TUBB1: variants seen among roughly 807,000 people sequenced by gnomAD.
The protein encoded by TUBB1 is tubulin beta 1 class VI.
TUBB1 carries 28 observed loss-of-function variants against 22.6 expected under a neutral mutation model. The ratio of observed to expected loss-of-function variants is 1.24; its 90% CI spans 0.92 to 1.70. The LOEUF (loss-of-function observed/expected upper bound fraction) is 1.70. TUBB1 is among the 40% of genes most tolerant of loss of function. The probability of loss-of-function intolerance (pLI) is 0.00; values close to 1 mark genes in which losing one functional copy is unlikely to be tolerated. For missense variants in TUBB1, 577 were observed against 605.5 expected (o/e 0.95, Z 0.49); for synonymous variants, 226 against 238.0 (o/e 0.95, Z 0.46).
chr20:59,023,573 C>T lies in TUBB1; in HGVS notation c.250C>T (p.Leu84Phe), dbSNP rs139766002. 1 of 1,614,170 alleles carries T rather than the reference C, an allele frequency of 6.2e-7. No homozygotes were observed. Among genetic ancestry groups the T allele is most frequent in the Non-Finnish European group, 8.5e-7 (1 of 1,180,012 alleles). The stretch of plus-strand genomic sequence containing the variant: ...CATTCGATCTAGCAAATTAGGAGCT[C>T]TCTTTCAACCCGACAGTTTTGTCCA... ...DSIRSSKLGA[L>F]FQPDSFVHGN... Residue 84 changes from leucine (L) to phenylalanine (F), a missense_variant, in exon 3 of 4, where the codon CTC becomes TTC. Coordinates refer to ENST00000217133, the MANE Select transcript of TUBB1 (RefSeq NM_030773.4).
chr20:59,019,350 G>A (rs1425034149), upstream of TUBB1: 3 of 705,388 alleles, frequency 4.3e-6, no homozygotes, highest in East Asian at 8.0e-5. Flanking sequence ...AGGGCGGGGA[G>A]CTGGGCCTCT....
In TUBB1 at chr20:59,025,936, C is replaced by G. The variant is rs2091992075; in HGVS notation, c.*1153C>G. 6.6e-6 allele frequency: 1 copy of G among 152,176 alleles called. No homozygotes were observed. The highest frequency in any genetic ancestry group is 1.5e-5 in the Non-Finnish European group (1 of 68,038). 9.4% of individuals were successfully genotyped at this position (152,176 alleles called of 1,614,324 possible). On this transcript the variant is annotated 3_prime_UTR_variant, in exon 4 of 4. Coordinates refer to ENST00000217133, the MANE Select transcript of TUBB1 (RefSeq NM_030773.4). Reference sequence around the variant, plus strand: ...CTGTAACTTCTTAATTACAGTTTACCTATTTCTGACATGCAGCACTGCCAT... The same window carrying G: ...CTGTAACTTCTTAATTACAGTTTACGTATTTCTGACATGCAGCACTGCCAT...
chr20:59,026,075 T>C lies in TUBB1; in HGVS notation c.*1292T>C, dbSNP rs2091992915. The stretch of plus-strand genomic sequence containing the variant: ...ATGCTCCGACCCTCAATGCAGTAAA[T>C]ATTTACTTGCAGGCAACTGGGTTCT... On this transcript the variant is annotated 3_prime_UTR_variant, in exon 4 of 4. Transcript: ENST00000217133. 2 of 152,286 alleles carry C rather than the reference T, an allele frequency of 1.3e-5. No individual in the cohort carries two copies. The highest frequency in any genetic ancestry group is 1.3e-4 in the Admixed American group (2 of 15,302). The allele number at this position is 152,286 out of a possible 1,614,324, so 9.4% of individuals were successfully genotyped here.
At chr20:59,018,134 G>A (rs987218021), upstream of TUBB1, among the ~76,000 whole-genome samples, 6 of 152,328 alleles carry the variant, frequency 3.9e-5, no homozygotes, top group Middle Eastern at 3.4e-3. Context: ...GGGCTCTCAC[G>A]CCTTCTCAGG....
chr20:59,020,434 T>C (rs2091962528), intron 1 of TUBB1, among the ~76,000 whole-genome samples: 1 of 152,280 alleles, frequency 6.6e-6, no homozygotes, highest in African/African-American at 2.4e-5. Flanking sequence ...TGTGCCCGCC[T>C]GGGCCTCCCG....
At chr20:59,023,125 G>A (rs1263536622) in intron 2 of TUBB1, among the ~76,000 whole-genome samples, 172 bp downstream of exon 2, 2 of 152,140 alleles carry the variant, frequency 1.3e-5, no homozygotes, top group Non-Finnish European at 2.9e-5. Context: ...TGGTCAAGAC[G>A]CAGGAATGGG....
upstream of TUBB1, among the ~76,000 whole-genome samples, chr20:59,016,579 C>G (rs151350): frequency 0.48 from 73,076 of 151,704 alleles, 18,208 homozygotes; most frequent in East Asian, 0.79. Flanking sequence ...GAGGGAGGCT[C>G]GGGAGAGCTG....
chr20:59,021,930 A>C (rs1342677674), intron 1 of TUBB1, among the ~76,000 whole-genome samples: 1 of 149,634 alleles, frequency 6.7e-6, no homozygotes, highest in African/African-American at 2.5e-5. Context: ...AGGAGGTGGA[A>C]GTTGCAGTGA....
rs1259171181 is a variant in TUBB1, at chr20:59,024,339, C to A, written c.912C>A (p.Asp304Glu). 4 of 1,613,702 alleles carry A rather than the reference C, an allele frequency of 2.5e-6. No individual in the cohort carries two copies. Among genetic ancestry groups the A allele is most frequent in the African/African-American group, 1.3e-5 (1 of 74,926 alleles). ...FDARNTMAAC[D>E]LRRGRYLTVA... ...CCCGCAATACCATGGCTGCCTGTGA[C>A]CTCCGCCGTGGCCGCTACCTCACAG... Residue 304 changes from aspartate to glutamate, a missense_variant, in exon 4 of 4, where the codon GAC becomes GAA. Coordinates refer to ENST00000217133, the MANE Select transcript of TUBB1 (RefSeq NM_030773.4). The surrounding 1 kb of genome is among the most constrained non-coding windows in gnomAD (Gnocchi z 4.9).
upstream of TUBB1, among the ~76,000 whole-genome samples, chr20:59,016,626 C>T (rs116470107): frequency 1.0e-2 from 1,516 of 152,158 alleles, 22 homozygotes; most frequent in African/African-American, 0.034. Context: ...GGCCAAGGCA[C>T]GCCAGGAGAA....
intron 2 of TUBB1, 62 bp from the exon 3 acceptor site, chr20:59,023,428 T>C: frequency 3.3e-6 from 5 of 1,505,404 alleles, no homozygotes; most frequent in African/African-American, 1.4e-5. Flanking sequence ...AAGTTCTATT[T>C]TGATAAAACA....
upstream of TUBB1, among the ~76,000 whole-genome samples, chr20:59,018,973 G>A (rs558764149): frequency 7.0e-4 from 106 of 152,340 alleles, no homozygotes; most frequent in Middle Eastern, 6.8e-3. Context: ...CCTGATGCAG[G>A]CCATCCCGGG....
upstream of TUBB1, chr20:59,019,373 C>T (rs1184029286): frequency 1.2e-6 from 1 of 860,134 alleles, no homozygotes; most frequent in South Asian, 1.4e-5. Context: ...GGTGGACACA[C>T]CCTTGGTCAC....
At position 59,024,039 on chromosome 20, in the gene TUBB1, T is replaced by C. The variant is rs2091980909; in HGVS notation, c.612T>C (p.Asn204=). ...CAGATGCCTGTTTCTGCATTGACAATGAGGCCCTCTATGACATCTGCTTCC... is the reference window on the plus strand; with the variant it reads ...CAGATGCCTGTTTCTGCATTGACAACGAGGCCCTCTATGACATCTGCTTCC... ...ENADACFCID[N]EALYDICFRT... Residue 204 remains asparagine, a synonymous_variant, in exon 4 of 4, where the codon AAT becomes AAC. Transcript: ENST00000217133. This position sits in a 1 kb window ranked among gnomAD's most constrained non-coding sequence, Gnocchi z 4.9. The C allele has an allele frequency of 6.2e-7, 1 of 1,614,212 alleles. No homozygotes were observed. The highest frequency in any genetic ancestry group is 8.5e-7 in the Non-Finnish European group (1 of 1,180,030).
chr20:59,017,959 C>T (rs1166139532), upstream of TUBB1, among the ~76,000 whole-genome samples: 1 of 152,176 alleles, frequency 6.6e-6, no homozygotes, highest in Non-Finnish European at 1.5e-5. Context: ...TCAGGGTGCC[C>T]GGCAGACGTT....
rs1190914558 is a variant in TUBB1, at chr20:59,022,970, TCTGGGA to T, written c.166+18_166+23del. 1.2e-6 allele frequency: 2 copies of T among 1,605,694 alleles called. No individual in the cohort carries two copies. Among genetic ancestry groups the T allele is most frequent in the East Asian group, 4.5e-5 (2 of 44,824 alleles). ...AAGCCTACGGTAGGACTGGCGGGGC[TCTGGGA>T]GCAGTGGTCCCGCAACTGGGAACAC... On this transcript the variant is annotated intron_variant, in intron 2 of 3. Coordinates refer to ENST00000217133, the MANE Select transcript of TUBB1 (RefSeq NM_030773.4).
At position 59,024,710 on chromosome 20, in the gene TUBB1, C is replaced by T; in HGVS notation, c.1283C>T (p.Ala428Val). 1 of 1,614,060 alleles carries T rather than the reference C, an allele frequency of 6.2e-7. No homozygotes were observed. The part of the protein sequence containing the change: ...LVSEYQQFQD[A>V]KAVLEEDEEV... ...TCCGAGTACCAACAATTTCAAGATGCCAAAGCAGTTCTAGAGGAAGATGAA... is the reference window on the plus strand; with the variant it reads ...TCCGAGTACCAACAATTTCAAGATGTCAAAGCAGTTCTAGAGGAAGATGAA... The change falls in exon 4 of 4, where the codon GCC becomes GTC. Residue 428 changes from alanine to valine, a missense_variant. Transcript: ENST00000217133. The surrounding 1 kb of genome is among the most constrained non-coding windows in gnomAD (Gnocchi z 4.9).
chr20:59,024,884 A>G lies in TUBB1; in HGVS notation c.*101A>G. 1 of 1,037,822 alleles carries G rather than the reference A, an allele frequency of 9.6e-7. No homozygotes were observed. The highest frequency in any genetic ancestry group is 1.5e-6 in the Non-Finnish European group (1 of 672,866). The allele number at this position is 1,037,822 out of a possible 1,614,324, so 64.3% of individuals were successfully genotyped here. A position where few individuals can be genotyped will look rare whatever the true frequency, so the allele number is the denominator to read the frequency against. On this transcript the variant is annotated 3_prime_UTR_variant, in exon 4 of 4. Coordinates refer to ENST00000217133, the MANE Select transcript of TUBB1 (RefSeq NM_030773.4). This position sits in a 1 kb window ranked among gnomAD's most constrained non-coding sequence, Gnocchi z 4.9. Reference sequence around the variant, plus strand: ...CAAAACCCACTCTGCACTGCAGCACAGTGAATGATATGCACTCACCATTAG... The same window carrying G: ...CAAAACCCACTCTGCACTGCAGCACGGTGAATGATATGCACTCACCATTAG...
chr20:59,020,424 T>C (rs531224462), intron 1 of TUBB1, among the ~76,000 whole-genome samples: 1 of 152,378 alleles, frequency 6.6e-6, no homozygotes, highest in African/African-American at 2.4e-5. Context: ...CCTCAGGTGA[T>C]GTGCCCGCCT....
Sources: allele counts gnomAD v4.1 joint callset (sites outside exome capture counted in the v4.1 genomes callset), GRCh38; gene constraint gnomAD v4.1.1; non-coding constraint Gnocchi (gnomAD v3.1); transcripts MANE v1.5; gene names NCBI Gene and HGNC (gene_info 2026-07-23, HGNC 2026-07-21).